SELE: variants seen among roughly 807,000 people sequenced by gnomAD.
SELE encodes the protein E-selectin.
A neutral mutation model predicts 75.8 loss-of-function variants in SELE; 52 were observed. The observed-to-expected ratio is 0.69, with a 90% confidence interval of 0.55 to 0.86. The LOEUF (loss-of-function observed/expected upper bound fraction) is 0.86, where lower values mean the gene tolerates loss of function less well. Ranked by LOEUF, SELE falls within the 40% of genes least tolerant of loss-of-function variation. The pLI is 0.00. For missense variants in SELE, 754 were observed against 732.7 expected (o/e 1.03, Z -0.34); for synonymous variants, 285 against 258.7 (o/e 1.10, Z -0.98).
intron 7 of SELE, 113 bp downstream of exon 7, chr1:169,729,073 C>T: frequency 3.4e-6 from 3 of 880,598 alleles, no homozygotes; most frequent in South Asian, 1.9e-5. Flanking sequence ...ACGAGGGTTG[C>T]TCATCAAATC....
At position 169,726,832 on chromosome 1, in the gene SELE, G is replaced by C. The variant is rs774034634; in HGVS notation, c.1646-26C>G. On this transcript the variant is annotated intron_variant, in intron 10 of 13. Coordinates refer to ENST00000333360, the MANE Select transcript of SELE (RefSeq NM_000450.2). The stretch of plus-strand genomic sequence containing the variant: ...CTAAGGAAGTAAGAGACGAAGAAAG[G>C]TCATGAGGAAGAATTGATGTTAAAG... 2.0e-6 allele frequency: 3 copies of C among 1,525,386 alleles called. No homozygotes were observed. In the South Asian group the frequency reaches 3.4e-5, roughly 17 times the overall value. The allele number at this position is 1,525,386 out of a possible 1,614,324, so 94.5% of individuals were successfully genotyped here.
At chr1:169,725,699 T>C (rs1571143401) in intron 13 of SELE, 30 bp downstream of exon 13, 1 of 1,580,040 alleles carries the variant, frequency 6.3e-7, no homozygotes, top group Non-Finnish European at 8.7e-7. Flanking sequence ...GATACCTCTC[T>C]CATAACCATT....
At chr1:169,725,973 T>C in intron 11 of SELE, 45 bp from the exon 12 acceptor site, 2 of 1,607,828 alleles carry the variant, frequency 1.2e-6, no homozygotes, top group South Asian at 2.2e-5. Context: ...ACTAAATGAC[T>C]TTTAAGGATA....
At position 169,732,779 on chromosome 1, in the gene SELE, G is replaced by T. The variant is rs1331265685; in HGVS notation, c.257C>A (p.Thr86Asn). ...GGCTTCTTCTGTCAGAGGTTTCTGG[G>T]TTCCTACCCAGACCCACACATTGTT... ...KVNNVWVWVG[T>N]QKPLTEEAKN... The change falls in exon 3 of 14, where the codon ACC (threonine) becomes AAC (asparagine). Residue 86 changes from threonine (T) to asparagine (N), a missense_variant. Physicochemically the swap from Thr to Asn is moderately conservative, Grantham distance 65. Coordinates refer to ENST00000333360, the MANE Select transcript of SELE (RefSeq NM_000450.2). 1 of 1,614,070 alleles carries T rather than the reference G, an allele frequency of 6.2e-7. No homozygotes were observed. Among genetic ancestry groups the T allele is most frequent in the Non-Finnish European group, 8.5e-7 (1 of 1,180,012 alleles).
chr1:169,733,743 G>T, intron 1 of SELE, 83 bp from the exon 2 acceptor site: 1 of 887,368 alleles, frequency 1.1e-6, no homozygotes, highest in Non-Finnish European at 1.8e-6. Flanking sequence ...GTTTAAGGCA[G>T]CATCCTAAGA....
intron 7 of SELE, 116 bp from the exon 8 acceptor site, chr1:169,728,362 A>C: frequency 1.0e-6 from 1 of 960,702 alleles, no homozygotes; most frequent in Middle Eastern, 2.4e-4. Flanking sequence ...GATTCTTTAT[A>C]ATTCCCTGGA....
chr1:169,731,798 C>A, intron 4 of SELE, 37 bp downstream of exon 4: 1 of 1,403,874 alleles, frequency 7.1e-7, no homozygotes, highest in East Asian at 2.3e-5. Flanking sequence ...ATGGTGCTAC[C>A]ATCTCAAGTG....
chr1:169,731,314 C>A (rs1039062949), intron 4 of SELE, among the ~76,000 whole-genome samples: 1 of 152,182 alleles, frequency 6.6e-6, no homozygotes, highest in African/African-American at 2.4e-5. Context: ...GCTCATCTAA[C>A]TCTCTTAATG....
At position 169,727,503 on chromosome 1, in the gene SELE, T is replaced by C. The variant is rs1648804921; in HGVS notation, c.1491A>G (p.Ala497=). The part of the protein sequence containing the change: ...SCQVVKCSSL[A]VPGKINMSCS... ...AGCTCATGTTGATCTTTCCCGGAAC[T>C]GCCAGGCTTGAACATTTTACCACTG... Residue 497 remains alanine, a synonymous_variant, in exon 10 of 14, where the codon GCA becomes GCG. Transcript: ENST00000333360. The C allele has an allele frequency of 1.2e-6, 2 of 1,613,748 alleles. No individual in the cohort carries two copies. The highest frequency in any genetic ancestry group is 2.7e-5 in the African/African-American group (2 of 74,926).
At chr1:169,729,753 T>A in intron 5 of SELE, 80 bp from the exon 6 acceptor site, 1 of 1,368,612 alleles carries the variant, frequency 7.3e-7, no homozygotes, top group Non-Finnish European at 1.0e-6. Context: ...CCTAACAGAG[T>A]GAGGAAGCTG....
rs3917438 is a variant in SELE at position 169,724,709 on chromosome 1, G to C, written c.*16-200C>G. ...TACAGAATATACAACACAGCACAGA[G>C]TGAATTCTAATGTAGCCTGTGGACA... On this transcript the variant is annotated intron_variant, in intron 13 of 13. Coordinates refer to ENST00000333360, the MANE Select transcript of SELE (RefSeq NM_000450.2). 3.0e-3 allele frequency among the ~76,000 whole-genome samples: 460 copies of C among 152,232 alleles called. 1 individual carries two copies. Among genetic ancestry groups the C allele is most frequent in the South Asian group, 5.0e-3 (24 of 4,826 alleles).
chr1:169,731,991 C>T (rs1648924268), intron 3 of SELE, 49 bp from the exon 4 acceptor site: 2 of 1,200,990 alleles, frequency 1.7e-6, no homozygotes, highest in Admixed American at 1.8e-5. Context: ...TGTGCTTATA[C>T]TGAGTGCCTT....
rs576821128 is a variant in SELE, at chr1:169,729,617, T to C, written c.772A>G (p.Asn258Asp). 8.5e-5 allele frequency: 138 copies of C among 1,614,156 alleles called. 1 individual carries two copies. The South Asian group carries it at 1.5e-3, about 17-fold the overall frequency. The stretch of plus-strand genomic sequence containing the variant: ...GTGTTCCATGGGAAGCTTCCAGGGT[T>C]TTGGAAACATTCCACGAACCCATTG... ...PANGFVECFQ[N>D]PGSFPWNTTC... The change falls in exon 6 of 14, where the codon AAC becomes GAC. Residue 258 changes from asparagine to aspartate, a missense_variant. Physicochemically the swap from Asn to Asp is conservative, Grantham distance 23. Coordinates refer to ENST00000333360, the MANE Select transcript of SELE (RefSeq NM_000450.2).
rs1648972295 is a variant in SELE, at chr1:169,733,573, T to C, written c.37+3A>G. The stretch of plus-strand genomic sequence containing the variant: ...AAATCTTGGTCTAATGGCACTGACT[T>C]ACCCAAAGTGAGAGCTGAGAGAAAC... On this transcript the variant is annotated splice_donor_region_variant and intron_variant, in intron 2 of 13. Transcript: ENST00000333360. The C allele has an allele frequency of 6.2e-7, 1 of 1,613,642 alleles. No individual in the cohort carries two copies. The highest frequency in any genetic ancestry group is 8.5e-7 in the Non-Finnish European group (1 of 1,179,660).
chr1:169,728,851 G>T (rs1315488628), intron 7 of SELE, among the ~76,000 whole-genome samples: 1 of 152,160 alleles, frequency 6.6e-6, no homozygotes, highest in Non-Finnish European at 1.5e-5. Context: ...GGTGTGATGA[G>T]AGTTTTACAT....
At position 169,732,900 on chromosome 1, in the gene SELE, G is replaced by A. The variant is rs1250149596; in HGVS notation, c.136C>T (p.His46Tyr). The change falls in exon 3 of 14, where the codon CAC becomes TAC. Residue 46 changes from histidine to tyrosine, a missense_variant. Transcript: ENST00000333360. ...ASAYCQQRYT[H>Y]LVAIQNKEEI... ...TCTTTGTTTTGAATTGCAACCAGGT[G>A]TGTGTACCTTTGCTGACAATAAGCA... The A allele has an allele frequency of 8.7e-6, 14 of 1,614,038 alleles. No homozygotes were observed. Among genetic ancestry groups the A allele is most frequent in the African/African-American group, 2.7e-5 (2 of 74,912 alleles).
intron 9 of SELE, 84 bp from the exon 10 acceptor site, chr1:169,727,609 G>A: frequency 1.9e-6 from 3 of 1,554,470 alleles, no homozygotes; most frequent in Non-Finnish European, 1.7e-6. Flanking sequence ...AACAATGAAT[G>A]TAAAGTGTAA....
Position 169,734,003 on chromosome 1 carries a change from C to G in SELE, c.-81G>C. On this transcript the variant is annotated 5_prime_UTR_variant, in exon 1 of 14. Coordinates refer to ENST00000333360, the MANE Select transcript of SELE (RefSeq NM_000450.2). The stretch of plus-strand genomic sequence containing the variant: ...GGAAGCAGTTGTTCAAACACAGGAT[C>G]TCTCAGGTGGGTATCACTGCTGCCT... The G allele has an allele frequency of 4.8e-6, 1 of 207,702 alleles. No homozygotes were observed. Among genetic ancestry groups the G allele is most frequent in the Non-Finnish European group, 9.8e-6 (1 of 102,180 alleles). 12.9% of individuals were successfully genotyped at this position (207,702 alleles called of 1,614,324 possible).
In SELE at chr1:169,727,848, G is replaced by C; in HGVS notation, c.1359C>G (p.Tyr453Ter). 6.2e-7 allele frequency: 1 copy of C among 1,614,156 alleles called. No individual in the cohort carries two copies. Among genetic ancestry groups the C allele is most frequent in the East Asian group, 2.2e-5 (1 of 44,872 alleles). Residue 453 changes from tyrosine to a stop codon, truncating the protein, a stop_gained, in exon 9 of 14, where the codon TAC becomes TAG. Transcript: ENST00000333360. LOFTEE classifies it high-confidence loss of function. ...CACAGCTGAAGGCACAAGAGGACTT[G>C]TAGGTGAATTCTCCAATAGGGGAAT... ...CAHSPIGEFTYKSSCAFSCEE... is the reference protein window; with the variant it reads ...CAHSPIGEFT
Sources: gnomAD v4.1 joint callset for allele counts (sites outside exome capture counted in the v4.1 genomes callset) on GRCh38, gnomAD v4.1.1 for gene constraint, MANE v1.5 for transcripts, NCBI Gene and HGNC (gene_info 2026-07-23, HGNC 2026-07-21) for gene names.